DLGAP1: variants seen among roughly 807,000 people sequenced by gnomAD.
DLGAP1 encodes disks large-associated protein 1.
Under a neutral mutation model 90.8 loss-of-function variants are expected in DLGAP1, and 11 were observed. That is an observed-to-expected ratio of 0.12 (90% CI 0.08 to 0.20). DLGAP1 has a LOEUF of 0.20. Ranked by LOEUF, DLGAP1 falls within the 10% of genes least tolerant of loss-of-function variation. The probability of loss-of-function intolerance (pLI) is 1.00; values close to 1 mark genes in which losing one functional copy is unlikely to be tolerated. For missense variants in DLGAP1, 1,050 were observed against 1,333.8 expected (o/e 0.79, Z 3.31); for synonymous variants, 558 against 540.7 (o/e 1.03, Z -0.44).
intron 2 of DLGAP1, among the ~76,000 whole-genome samples, chr18:4,136,625 A>G (rs2076405902): frequency 1.3e-5 from 2 of 152,106 alleles, no homozygotes; most frequent in Non-Finnish European, 2.9e-5. Context: ...AGCTCCTTAT[A>G]TATTCTTGTT....
At chr18:4,009,779 A>G (rs190635142) in intron 2 of DLGAP1, among the ~76,000 whole-genome samples, 1 of 152,344 alleles carries the variant, frequency 6.6e-6, no homozygotes, top group East Asian at 1.9e-4. Context: ...GAATGACAGC[A>G]TCCACCACCC....
At chr18:4,368,474 C>A (rs980660552) in intron 1 of DLGAP1, among the ~76,000 whole-genome samples, 6 of 152,066 alleles carry the variant, frequency 3.9e-5, no homozygotes, top group African/African-American at 1.2e-4. Context: ...AAAGAAGGAC[C>A]TATCCCAAGA....
At chr18:3,644,003 T>C (rs2059033547) in intron 7 of DLGAP1, among the ~76,000 whole-genome samples, 1 of 152,218 alleles carries the variant, frequency 6.6e-6, no homozygotes, top group Non-Finnish European at 1.5e-5. Flanking sequence ...ACACAAAAAC[T>C]GTACTTCTTG....
At chr18:3,610,322 C>G (rs956549452) in intron 7 of DLGAP1, among the ~76,000 whole-genome samples, 1 of 152,046 alleles carries the variant, frequency 6.6e-6, no homozygotes, top group African/African-American at 2.4e-5. Context: ...TTTCTGAGGC[C>G]CTCCGCCTAT....
At chr18:3,571,773 G>A (rs1471917809) in intron 8 of DLGAP1, among the ~76,000 whole-genome samples, 2 of 152,250 alleles carry the variant, frequency 1.3e-5, no homozygotes, top group Non-Finnish European at 2.9e-5. Context: ...TGATCCGCCC[G>A]CCTCGGCCTC....
At chr18:4,240,626 A>C (rs1381493721) in intron 1 of DLGAP1, among the ~76,000 whole-genome samples, 1 of 152,206 alleles carries the variant, frequency 6.6e-6, no homozygotes, top group Non-Finnish European at 1.5e-5. Context: ...AAATGAAACA[A>C]ATAGAATAAA....
intron 2 of DLGAP1, among the ~76,000 whole-genome samples, chr18:4,089,783 C>A (rs573786387): frequency 2.5e-4 from 38 of 152,326 alleles, no homozygotes; most frequent in African/African-American, 7.9e-4. Flanking sequence ...CGGTGGCTCA[C>A]GCCTGTAGTC....
chr18:3,915,746 T>G (rs1369250540), intron 3 of DLGAP1, among the ~76,000 whole-genome samples: 1 of 152,326 alleles, frequency 6.6e-6, no homozygotes, highest in South Asian at 2.1e-4. Context: ...AAGTTTTCCT[T>G]TTTGGGAGAA....
intron 7 of DLGAP1, among the ~76,000 whole-genome samples, chr18:3,617,655 G>A (rs1486838553): frequency 1.3e-5 from 2 of 150,890 alleles, no homozygotes; most frequent in Non-Finnish European, 2.9e-5. Context: ...ACATGCTGTT[G>A]GAAAAATGGT....
chr18:4,160,210 G>A (rs1408984804), intron 1 of DLGAP1, among the ~76,000 whole-genome samples: 1 of 152,198 alleles, frequency 6.6e-6, no homozygotes, highest in Non-Finnish European at 1.5e-5. Context: ...GGATAAACTG[G>A]AGATTTTGAT....
intron 11 of DLGAP1, among the ~76,000 whole-genome samples, chr18:3,508,060 C>T (rs1045734271): frequency 1.3e-5 from 2 of 152,134 alleles, no homozygotes; most frequent in African/African-American, 4.8e-5. Context: ...TTTTGCATGT[C>T]CAAGAAGGAT....
chr18:3,525,527 G>C (rs762641608), intron 10 of DLGAP1, among the ~76,000 whole-genome samples: 1 of 152,146 alleles, frequency 6.6e-6, no homozygotes, highest in Non-Finnish European at 1.5e-5. Context: ...AGCCTCCCGA[G>C]TAGCTGGGAT....
chr18:4,410,680 C>T (rs906937095), intron 1 of DLGAP1, among the ~76,000 whole-genome samples: 2 of 105,940 alleles, frequency 1.9e-5, no homozygotes, highest in African/African-American at 7.8e-5. Context: ...ATACAATTCC[C>T]CCCAAATATA....
At chr18:3,741,202 T>C (rs1171276041) in intron 6 of DLGAP1, among the ~76,000 whole-genome samples, 10 of 31,380 alleles carry the variant, frequency 3.2e-4, no homozygotes, top group South Asian at 1.0e-3. Context: ...CACCACCAAA[T>C]CACCACCACC....
chr18:4,261,088 C>G (rs1286807808), intron 1 of DLGAP1, among the ~76,000 whole-genome samples: 1 of 152,198 alleles, frequency 6.6e-6, no homozygotes, highest in Non-Finnish European at 1.5e-5. Context: ...GGTTCAATGT[C>G]TGAATCCTCA....
rs143969984 is a variant in DLGAP1 at position 4,014,489 on chromosome 18, C to T, written c.-158-9288G>A. ...AATGTGTCCTAGATTTGATAGAATA[C>T]TAGGGAAATTACAGTTAACAAAAAT... is the stretch of plus-strand genomic sequence containing the variant. On this transcript the variant is annotated intron_variant, in intron 2 of 12. Coordinates refer to ENST00000315677, the MANE Select transcript of DLGAP1 (RefSeq NM_004746.4). 3.5e-3 allele frequency among the ~76,000 whole-genome samples: 526 copies of T among 152,188 alleles called. 3 individuals are homozygous for T. Among genetic ancestry groups the T allele is most frequent in the Admixed American group, 5.9e-3 (90 of 15,288 alleles).
At chr18:3,998,621 TA>T (rs972486066) in intron 3 of DLGAP1, among the ~76,000 whole-genome samples, 34 of 152,204 alleles carry the variant, frequency 2.2e-4, no homozygotes, top group African/African-American at 7.7e-4. Flanking sequence ...TGTATTTTAA[TA>T]AAATAATATT....
intron 7 of DLGAP1, among the ~76,000 whole-genome samples, chr18:3,624,690 T>C (rs528590596): frequency 6.6e-6 from 1 of 152,254 alleles, no homozygotes; most frequent in South Asian, 2.1e-4. Context: ...TCCCCAAAAG[T>C]CATGATAAAG....
At chr18:4,121,479 A>G (rs553464283) in intron 2 of DLGAP1, among the ~76,000 whole-genome samples, 1 of 152,032 alleles carries the variant, frequency 6.6e-6, no homozygotes, top group East Asian at 1.9e-4. Flanking sequence ...CGTCCTCAAC[A>G]TCTGATCACT....
Sources: allele counts gnomAD v4.1 joint callset (sites outside exome capture counted in the v4.1 genomes callset), GRCh38; gene constraint gnomAD v4.1.1; transcripts MANE v1.5; gene names NCBI Gene and HGNC (gene_info 2026-07-23, HGNC 2026-07-21).